The following ZSCAN5A variants were observed in gnomAD, a reference collection of about 807,000 sequenced individuals.
ZSCAN5A encodes the protein zinc finger and SCAN domain-containing protein 5A.
In ZSCAN5A, 12 loss-of-function variants were observed where a neutral mutation model predicts 23.7. The ratio of observed to expected loss-of-function variants is 0.51; its 90% CI spans 0.32 to 0.82. The LOEUF (loss-of-function observed/expected upper bound fraction) is 0.82, where lower values mean the gene tolerates loss of function less well. Ranked by LOEUF, ZSCAN5A falls within the 40% of genes least tolerant of loss-of-function variation. The pLI, the probability that ZSCAN5A is intolerant of heterozygous loss-of-function variation, is 0.03. For synonymous variants in ZSCAN5A, 257 were observed against 239.9 expected, an observed-to-expected ratio of 1.07 and a Z score of -0.66; for missense variants, 597 against 617.9, an observed-to-expected ratio of 0.97 and a Z score of 0.36.
intron 2 of ZSCAN5A, among the ~76,000 whole-genome samples, chr19:56,276,829 G>A (rs1026765391): frequency 7.2e-5 from 11 of 152,024 alleles, no homozygotes; most frequent in African/African-American, 2.2e-4. Flanking sequence ...GAGCCACTGT[G>A]CCCGGCCAAA....
chr19:56,226,907 T>C (rs1169594193), intron 2 of ZSCAN5A, among the ~76,000 whole-genome samples: 1 of 151,874 alleles, frequency 6.6e-6, no homozygotes, highest in Non-Finnish European at 1.5e-5. Flanking sequence ...ACCCACTGAA[T>C]CTAAAACACA....
chr19:56,343,548 C>T (rs1264315898), intron 2 of ZSCAN5A: 2 of 369,314 alleles, frequency 5.4e-6, no homozygotes, highest in Non-Finnish European at 1.1e-5. Flanking sequence ...CGGCTCACAA[C>T]AACCCTGAGA....
chr19:56,331,365 T>A (rs980818186), intron 2 of ZSCAN5A, among the ~76,000 whole-genome samples: 3 of 152,100 alleles, frequency 2.0e-5, no homozygotes, highest in African/African-American at 7.2e-5. Context: ...AGGATTGGCG[T>A]TGAATATGTA....
chr19:56,257,165 C>T (rs1017045724), intron 2 of ZSCAN5A, among the ~76,000 whole-genome samples: 3 of 151,962 alleles, frequency 2.0e-5, no homozygotes, highest in Admixed American at 6.6e-5. Context: ...CCAAGAGGGG[C>T]GAGTTTGCAG....
intron 2 of ZSCAN5A, chr19:56,342,812 A>G: frequency 1.3e-6 from 1 of 783,332 alleles, no homozygotes; most frequent in Middle Eastern, 2.3e-4. Context: ...CAATCATAAG[A>G]CATTTTCCTA....
At chr19:56,316,400 A>G (rs1300629588), upstream of ZSCAN5A, 1 of 152,384 alleles carries the variant, frequency 6.6e-6, no homozygotes, top group African/African-American at 2.4e-5. Context: ...CCACATCCCA[A>G]TCAACACTTA....
chr19:56,270,026 C>T (rs1216442689), intron 2 of ZSCAN5A, among the ~76,000 whole-genome samples: 1 of 152,016 alleles, frequency 6.6e-6, no homozygotes, highest in Non-Finnish European at 1.5e-5. Context: ...GACTCAATGT[C>T]TGTGATTCTA....
rs113832320 is a variant in ZSCAN5A at position 56,309,796 on chromosome 19, C to G, written c.-128+3487G>C. Among the ~76,000 whole-genome samples the G allele has an allele frequency of 4.6e-3, 700 of 152,306 alleles. 3 individuals carry two copies. The highest frequency in any genetic ancestry group is 0.032 in the East Asian group (165 of 5,166). ...GGCCCGGCGCCGGGACAGTGAGGAA[C>G]TGGAGGGGGCGCTGCTTCCCACTGG... On this transcript the variant is annotated intron_variant, in intron 2 of 5. Coordinates refer to ENST00000683990, the MANE Select transcript of ZSCAN5A (RefSeq NM_001322064.3).
chr19:56,359,331 A>C (rs891138548), intron 2 of ZSCAN5A, among the ~76,000 whole-genome samples: 1 of 152,214 alleles, frequency 6.6e-6, no homozygotes, highest in East Asian at 1.9e-4. Flanking sequence ...ACTCTAGAAT[A>C]AATGGACACA....
chr19:56,329,170 G>A (rs945406375), intron 2 of ZSCAN5A, among the ~76,000 whole-genome samples: 4 of 151,900 alleles, frequency 2.6e-5, no homozygotes, highest in South Asian at 2.1e-4. Context: ...CTAACATGGC[G>A]AAACCCCGCC....
intron 2 of ZSCAN5A, among the ~76,000 whole-genome samples, chr19:56,255,304 C>A (rs549636300): frequency 1.3e-5 from 2 of 152,038 alleles, no homozygotes; most frequent in Admixed American, 6.6e-5. Context: ...TTGAGCAAAG[C>A]GTGGACAATA....
intron 2 of ZSCAN5A, chr19:56,321,215 AGGACTT>A (rs1220980886): frequency 1.6e-5 from 11 of 670,022 alleles, no homozygotes; most frequent in Non-Finnish European, 3.1e-5. Flanking sequence ...CTTCTTCTGA[AGGACTT>A]GGATGGTGTG....
intron 2 of ZSCAN5A, among the ~76,000 whole-genome samples, chr19:56,328,925 G>A (rs1258874899): frequency 1.3e-5 from 2 of 150,002 alleles, no homozygotes; most frequent in Non-Finnish European, 3.0e-5. Flanking sequence ...AACCCAGGAG[G>A]CGGAGCTTGC....
chr19:56,253,406 T>C (rs1178899655), intron 2 of ZSCAN5A, among the ~76,000 whole-genome samples: 4 of 151,616 alleles, frequency 2.6e-5, no homozygotes, highest in Non-Finnish European at 4.4e-5. Flanking sequence ...CCTAGAAAGG[T>C]TGGAACACCT....
chr19:56,335,923 T>C (rs529059782), intron 2 of ZSCAN5A, among the ~76,000 whole-genome samples: 64 of 152,342 alleles, frequency 4.2e-4, no homozygotes, highest in South Asian at 1.5e-3. Flanking sequence ...CCCACTCTCT[T>C]CTGGCTTGTA....
intron 2 of ZSCAN5A, among the ~76,000 whole-genome samples, chr19:56,345,835 C>T (rs1226202168): frequency 6.6e-6 from 1 of 152,168 alleles, no homozygotes; most frequent in Non-Finnish European, 1.5e-5. Context: ...AAACTATACA[C>T]TTCTTTAAAA....
intron 2 of ZSCAN5A, among the ~76,000 whole-genome samples, chr19:56,259,125 G>C (rs896787792): frequency 1.3e-5 from 2 of 152,144 alleles, no homozygotes; most frequent in African/African-American, 4.8e-5. Flanking sequence ...CTGTTGTTCT[G>C]AGTCACTGAG....
At chr19:56,223,186 A>G (rs190302195) in intron 4 of ZSCAN5A, among the ~76,000 whole-genome samples, 72 of 152,264 alleles carry the variant, frequency 4.7e-4, no homozygotes, top group African/African-American at 1.6e-3. Context: ...ACCATCCCCT[A>G]CAATGACACA....
intron 2 of ZSCAN5A, among the ~76,000 whole-genome samples, chr19:56,284,402 T>C (rs777506928): frequency 6.6e-6 from 1 of 152,044 alleles, no homozygotes; most frequent in Non-Finnish European, 1.5e-5. Flanking sequence ...GCTTGGGTGA[T>C]GGGAGCCCAG....
Sources: allele counts gnomAD v4.1 joint callset (sites outside exome capture counted in the v4.1 genomes callset), GRCh38; gene constraint gnomAD v4.1.1; transcripts MANE v1.5; gene names NCBI Gene and HGNC (gene_info 2026-07-23, HGNC 2026-07-21).